ZNF407: variants seen among roughly 807,000 people sequenced by gnomAD.
The protein encoded by ZNF407 is zinc finger protein 407.
ZNF407 carries 17 observed loss-of-function variants against 131.2 expected under a neutral mutation model. That is an observed-to-expected ratio of 0.13 (90% CI 0.09 to 0.19). ZNF407 has a LOEUF of 0.19. ZNF407 is among the 10% of genes least tolerant of loss of function. ZNF407 has a pLI of 1.00. For synonymous variants in ZNF407, 1,156 were observed against 1,062.0 expected (o/e 1.09, Z -1.72); for missense variants, 2,681 against 2,830.6 (o/e 0.95, Z 1.20).
chr18:74,624,774 T>C (rs1039628033), intron 1 of ZNF407, among the ~76,000 whole-genome samples: 2 of 152,238 alleles, frequency 1.3e-5, no homozygotes, highest in African/African-American at 4.8e-5. Flanking sequence ...GTTTGTGTTT[T>C]AGGGCTTTGC....
chr18:74,805,876 A>T (rs1038910149), intron 4 of ZNF407, among the ~76,000 whole-genome samples: 1 of 152,242 alleles, frequency 6.6e-6, no homozygotes. Flanking sequence ...TTGTGTGAGA[A>T]AATTGAGATA....
intron 8 of ZNF407, among the ~76,000 whole-genome samples, chr18:75,043,384 G>A (rs556344852): frequency 6.6e-6 from 1 of 152,332 alleles, no homozygotes; most frequent in East Asian, 1.9e-4. Flanking sequence ...CAGGTCATGT[G>A]CATGCCCAGC....
At chr18:75,032,217 G>A (rs1034981794) in intron 8 of ZNF407, among the ~76,000 whole-genome samples, 1 of 152,166 alleles carries the variant, frequency 6.6e-6, no homozygotes, top group Non-Finnish European at 1.5e-5. Context: ...GTCACCTGAT[G>A]CACAATGAGA....
chr18:75,025,009 CA>C (rs1259026277), intron 8 of ZNF407, among the ~76,000 whole-genome samples: 3 of 152,128 alleles, frequency 2.0e-5, no homozygotes, highest in African/African-American at 7.2e-5. Context: ...ACTAAACAAG[CA>C]AATTATTTGC....
intron 3 of ZNF407, among the ~76,000 whole-genome samples, chr18:74,750,096 T>C (rs1267073193): frequency 6.6e-6 from 1 of 152,184 alleles, no homozygotes; most frequent in Non-Finnish European, 1.5e-5. Flanking sequence ...CAGACTGGTT[T>C]ACATTTTCTC....
chr18:74,996,556 A>C (rs904631735), intron 8 of ZNF407, among the ~76,000 whole-genome samples: 3 of 152,212 alleles, frequency 2.0e-5, no homozygotes, highest in African/African-American at 4.8e-5. Flanking sequence ...TCGTTATTCA[A>C]CCTTTGTGCA....
In ZNF407 at chr18:75,048,820, C is replaced by T. The variant is rs976667752; in HGVS notation, c.5429-14330C>T. 1.6e-4 allele frequency among the ~76,000 whole-genome samples: 25 copies of T among 152,072 alleles called. No homozygotes were observed. Among genetic ancestry groups the T allele is most frequent in the Admixed American group, 1.0e-3 (16 of 15,276 alleles). On this transcript the variant is annotated intron_variant, in intron 8 of 8. Transcript: ENST00000299687. This position sits in a 1 kb window ranked among gnomAD's most constrained non-coding sequence, Gnocchi z 4.1. ...TGTGAACAGTTATGATTCCTAAAAA[C>T]TGAAAAAATTAAATTGGAGGGTGGG... is the stretch of plus-strand genomic sequence containing the variant.
chr18:75,003,147 A>G (rs998281389), intron 8 of ZNF407, among the ~76,000 whole-genome samples: 4 of 152,234 alleles, frequency 2.6e-5, no homozygotes. Flanking sequence ...CATTTCAATT[A>G]TTTCAGAATT....
chr18:74,647,161 G>A (rs1985010177), intron 3 of ZNF407, among the ~76,000 whole-genome samples: 1 of 151,576 alleles, frequency 6.6e-6, no homozygotes, highest in Non-Finnish European at 1.5e-5. Flanking sequence ...CAATTGTGAT[G>A]GCTGGATGTG....
chr18:75,028,466 C>T (rs943268242), intron 8 of ZNF407, among the ~76,000 whole-genome samples: 5 of 152,184 alleles, frequency 3.3e-5, no homozygotes, highest in Non-Finnish European at 5.9e-5. Context: ...TCTTTAAAGG[C>T]CCTGTCTTCA....
chr18:74,625,717 C>G (rs1432758666), intron 1 of ZNF407, among the ~76,000 whole-genome samples: 1 of 152,146 alleles, frequency 6.6e-6, no homozygotes, highest in Non-Finnish European at 1.5e-5. Flanking sequence ...CTCTCCTGGA[C>G]TATTTTAAAG....
Position 74,948,895 on chromosome 18 carries a change from G to GAACTTTTA in ZNF407, c.5428+28205_5428+28212dup, listed in dbSNP as rs781611632. The stretch of plus-strand genomic sequence containing the variant: ...AGTCAGAAATAAAGAAGAAATACTA[G>GAACTTTTA]AACTTTTAAGGTGTTTTATATAAAG... On this transcript the variant is annotated intron_variant, in intron 8 of 8. Transcript: ENST00000299687. 2.6e-4 allele frequency among the ~76,000 whole-genome samples: 39 copies of GAACTTTTA among 152,156 alleles called. 1 individual carries two copies. The highest frequency in any genetic ancestry group is 5.3e-4 in the Non-Finnish European group (36 of 68,028).
chr18:74,935,734 C>T (rs1339353564), intron 8 of ZNF407, among the ~76,000 whole-genome samples: 1 of 152,086 alleles, frequency 6.6e-6, no homozygotes, highest in Non-Finnish European at 1.5e-5. Flanking sequence ...AAGCACCGAG[C>T]AGGCAGAAGA....
At chr18:74,699,950 G>C (rs1057346329) in intron 3 of ZNF407, among the ~76,000 whole-genome samples, 4 of 152,020 alleles carry the variant, frequency 2.6e-5, no homozygotes, top group Admixed American at 6.6e-5. Context: ...CCTAAAATGT[G>C]AGTTTGTATT....
chr18:74,908,923 C>T (rs1433484380), intron 7 of ZNF407, among the ~76,000 whole-genome samples: 1 of 151,758 alleles, frequency 6.6e-6, no homozygotes, highest in Non-Finnish European at 1.5e-5. Context: ...CATAATTAAT[C>T]CTGGTAAATA....
At chr18:74,804,408 G>C in intron 4 of ZNF407, 1 of 1,004,136 alleles carries the variant, frequency 1.0e-6, no homozygotes, top group Non-Finnish European at 1.2e-6. Flanking sequence ...ATTCAGTAAG[G>C]AACATATTAA....
At chr18:74,753,131 T>G (rs1158841533) in intron 3 of ZNF407, among the ~76,000 whole-genome samples, 2 of 152,222 alleles carry the variant, frequency 1.3e-5, no homozygotes, top group Admixed American at 1.3e-4. Flanking sequence ...AGGTATTTTA[T>G]TCTCTTTGAA....
chr18:74,931,390 CA>C (rs1971980788), intron 8 of ZNF407, among the ~76,000 whole-genome samples: 1 of 152,036 alleles, frequency 6.6e-6, no homozygotes, highest in Non-Finnish European at 1.5e-5. Context: ...TAAAAATGGA[CA>C]AATGATCAAA....
At chr18:74,998,517 T>C (rs1972804686) in intron 8 of ZNF407, among the ~76,000 whole-genome samples, 1 of 152,232 alleles carries the variant, frequency 6.6e-6, no homozygotes, top group African/African-American at 2.4e-5. Flanking sequence ...TTGATGTACA[T>C]ATTTTTTTCA....
Sources: allele counts gnomAD v4.1 joint callset (sites outside exome capture counted in the v4.1 genomes callset), GRCh38; gene constraint gnomAD v4.1.1; non-coding constraint Gnocchi (gnomAD v3.1); transcripts MANE v1.5; gene names NCBI Gene and HGNC (gene_info 2026-07-23, HGNC 2026-07-21).